Variants in SLC17A5 observed in about 807,000 individuals in gnomAD.
SLC17A5 encodes the protein sialin.
SLC17A5 carries 47 observed loss-of-function variants against 59.4 expected under a neutral mutation model. That is an observed-to-expected ratio of 0.79 (90% CI 0.63 to 1.01). The LOEUF (loss-of-function observed/expected upper bound fraction) is 1.01. Ranked by LOEUF, SLC17A5 falls within the 50% of genes least tolerant of loss-of-function variation. SLC17A5 has a pLI of 0.00. For missense variants in SLC17A5, 522 were observed against 595.5 expected (o/e 0.88, Z 1.28); for synonymous variants, 202 against 210.7 (o/e 0.96, Z 0.36).
chr6:73,595,108 G>A lies in SLC17A5; in HGVS notation c.1457C>T (p.Ala486Val). The A allele has an allele frequency of 6.2e-7, 1 of 1,614,060 alleles. No individual in the cohort carries two copies. The highest frequency in any genetic ancestry group is 8.5e-7 in the Non-Finnish European group (1 of 1,180,006). ...LFAKGEVQNWALNDHHGHRH is the reference protein window; with the variant it reads ...LFAKGEVQNWVLNDHHGHRH ...TCTGTGTCCATGGTGATCATTGAGA[G>A]CCCAGTTTTGTACTTCACCTTTGGC... Residue 486 changes from alanine to valine, a missense_variant, in exon 11 of 11, where the codon GCT becomes GTT. By Grantham distance (64) the Ala-to-Val change is moderately conservative. Transcript: ENST00000355773.
intron 3 of SLC17A5, among the ~76,000 whole-genome samples, chr6:73,640,745 A>G (rs1291431751): frequency 1.3e-5 from 2 of 152,200 alleles, no homozygotes; most frequent in Non-Finnish European, 2.9e-5. Flanking sequence ...GGTACACATG[A>G]TGAAATACAA....
chr6:73,621,772 T>A (rs1318534301), intron 7 of SLC17A5, 32 bp downstream of exon 7: 1 of 1,491,458 alleles, frequency 6.7e-7, no homozygotes. Context: ...TTATACTATA[T>A]ATATAAGAAG....
intron 8 of SLC17A5, among the ~76,000 whole-genome samples, chr6:73,612,486 A>C (rs868128208): frequency 1.5e-4 from 23 of 152,270 alleles, no homozygotes; most frequent in Middle Eastern, 3.4e-3. Flanking sequence ...TAATTACTGA[A>C]GTATAGTCAC....
intron 8 of SLC17A5, among the ~76,000 whole-genome samples, 180 bp from the exon 9 acceptor site, chr6:73,610,727 A>G (rs1262611710): frequency 1.3e-5 from 2 of 152,216 alleles, no homozygotes; most frequent in East Asian, 1.9e-4. Flanking sequence ...GCGTAATACA[A>G]CTAATATACT....
At chr6:73,617,228 T>A (rs1045588748) in intron 7 of SLC17A5, among the ~76,000 whole-genome samples, 1 of 151,164 alleles carries the variant, frequency 6.6e-6, no homozygotes, top group Non-Finnish European at 1.5e-5. Context: ...GAGGTGGAGG[T>A]TGCAGTGAAC....
rs535170183 is a variant in SLC17A5, at chr6:73,597,902, A to G, written c.1350+2449T>C. ...GTATGAGGTCATTTATTTGGGAAAA[A>G]AGGAGAAACATGAAGAAAGAAACAC... On this transcript the variant is annotated intron_variant, in intron 10 of 10. Coordinates refer to ENST00000355773, the MANE Select transcript of SLC17A5 (RefSeq NM_012434.5). Among the ~76,000 whole-genome samples, 4 of 152,290 alleles carry G rather than the reference A, an allele frequency of 2.6e-5. No homozygotes were observed. In the East Asian group the frequency reaches 7.7e-4, roughly 29 times the overall value.
chr6:73,607,455 A>G (rs1752923724), intron 9 of SLC17A5, among the ~76,000 whole-genome samples: 1 of 152,120 alleles, frequency 6.6e-6, no homozygotes, highest in Admixed American at 6.6e-5. Flanking sequence ...TAGTAGAGAC[A>G]GAGTTTCACC....
At chr6:73,610,714 T>C (rs949628824) in intron 8 of SLC17A5, among the ~76,000 whole-genome samples, 167 bp from the exon 9 acceptor site, 2 of 151,708 alleles carry the variant, frequency 1.3e-5, no homozygotes, top group African/African-American at 4.8e-5. Flanking sequence ...CTGGAAAACA[T>C]GGGCGTAATA....
chr6:73,638,643 G>A (rs1769137933), intron 3 of SLC17A5, 144 bp from the exon 4 acceptor site: 2 of 712,494 alleles, frequency 2.8e-6, no homozygotes, highest in East Asian at 2.7e-5. Context: ...AATTTTTACA[G>A]TGTTAAGTGA....
intron 1 of SLC17A5, chr6:73,652,999 A>G (rs898933938): frequency 3.1e-6 from 3 of 954,990 alleles, no homozygotes; most frequent in Non-Finnish European, 3.7e-6. Flanking sequence ...AATTCAGGGA[A>G]GATGCTTTAT....
chr6:73,618,422 G>A (rs954297156), intron 7 of SLC17A5: 4 of 350,194 alleles, frequency 1.1e-5, no homozygotes, highest in Non-Finnish European at 2.1e-5. Flanking sequence ...CTGGTGCAGA[G>A]CACTAATTCC....
intron 7 of SLC17A5, among the ~76,000 whole-genome samples, chr6:73,621,019 T>A (rs866692892): frequency 2.4e-5 from 3 of 124,360 alleles, no homozygotes; most frequent in Admixed American, 8.1e-5. Flanking sequence ...TATTATTATT[T>A]TTTGAGATGG....
rs566674973 is a variant in SLC17A5 at position 73,619,703 on chromosome 6, T to A, written c.978+2101A>T. Among the ~76,000 whole-genome samples the A allele has an allele frequency of 2.0e-5, 3 of 152,240 alleles. No individual in the cohort carries two copies. In the South Asian group the frequency reaches 6.2e-4, roughly 32 times the overall value. On this transcript the variant is annotated intron_variant, in intron 7 of 10. Coordinates refer to ENST00000355773, the MANE Select transcript of SLC17A5 (RefSeq NM_012434.5). ...GAAGGTCCTATATTCACATTTCTTT[T>A]AATTTTAATTAAGATAAACCTTTTT... is the stretch of plus-strand genomic sequence containing the variant.
chr6:73,641,792 C>G lies in SLC17A5; in HGVS notation c.424G>C (p.Gly142Arg). 6.2e-7 allele frequency: 1 copy of G among 1,614,110 alleles called. No individual in the cohort carries two copies. The highest frequency in any genetic ancestry group is 1.1e-5 in the South Asian group (1 of 91,078). The stretch of plus-strand genomic sequence containing the variant: ...GTGAGGACAGCAGTGCCAAGGATCC[C>G]AAATCCTAGCAGCATTTTCCCCCCT... ...KIGGKMLLGF[G>R]ILGTAVLTLF... Residue 142 changes from glycine to arginine, a missense_variant, in exon 3 of 11, where the codon GGG becomes CGG. Coordinates refer to ENST00000355773, the MANE Select transcript of SLC17A5 (RefSeq NM_012434.5).
intron 9 of SLC17A5, among the ~76,000 whole-genome samples, chr6:73,604,965 A>T (rs539757299): frequency 2.5e-4 from 38 of 152,290 alleles, no homozygotes; most frequent in African/African-American, 9.1e-4. Flanking sequence ...TATAAAATCA[A>T]CCCCATGAGG....
intron 9 of SLC17A5, among the ~76,000 whole-genome samples, chr6:73,601,981 T>C (rs1581955456): frequency 6.6e-6 from 1 of 151,396 alleles, no homozygotes; most frequent in Admixed American, 6.6e-5. Flanking sequence ...ACAATGGCGG[T>C]TTTGTGGAAT....
intron 9 of SLC17A5, among the ~76,000 whole-genome samples, chr6:73,601,344 C>A (rs1348902964): frequency 6.9e-6 from 1 of 145,268 alleles, no homozygotes; most frequent in Non-Finnish European, 1.5e-5. Context: ...CCCCTCTGCC[C>A]GGCAGCCACC....
chr6:73,627,442 A>C (rs1240201872), intron 6 of SLC17A5, among the ~76,000 whole-genome samples: 1 of 152,146 alleles, frequency 6.6e-6, no homozygotes, highest in Non-Finnish European at 1.5e-5. Flanking sequence ...AGTGGCTACC[A>C]TACTGGACAA....
chr6:73,627,831 G>A (rs1340918264), intron 6 of SLC17A5, among the ~76,000 whole-genome samples: 1 of 151,084 alleles, frequency 6.6e-6, no homozygotes, highest in African/African-American at 2.4e-5. Flanking sequence ...GTTTCACCAC[G>A]TTGGCCAGGC....
Sources: gnomAD v4.1 joint callset for allele counts (sites outside exome capture counted in the v4.1 genomes callset) on GRCh38, gnomAD v4.1.1 for gene constraint, MANE v1.5 for transcripts, NCBI Gene and HGNC (gene_info 2026-07-23, HGNC 2026-07-21) for gene names.